ST14: variants seen among roughly 807,000 people sequenced by gnomAD.
ST14 encodes ST14 transmembrane serine protease matriptase.
ST14 carries 40 observed loss-of-function variants against 96.5 expected under a neutral mutation model. The ratio of observed to expected loss-of-function variants is 0.41; its 90% CI spans 0.32 to 0.54. The LOEUF is 0.54. ST14 is among the 20% of genes least tolerant of loss of function. The probability of loss-of-function intolerance (pLI) is 0.17; values close to 1 mark genes in which losing one functional copy is unlikely to be tolerated. For synonymous variants in ST14, 506 were observed against 492.1 expected (o/e 1.03, Z -0.37); for missense variants, 1,066 against 1,188.9 (o/e 0.90, Z 1.52).
chr11:130,208,352 G>C (rs1050717566), intron 16 of ST14, 58 bp from the exon 17 acceptor site: 79 of 1,611,978 alleles, frequency 4.9e-5, no homozygotes, highest in Non-Finnish European at 6.6e-5. Flanking sequence ...GCGGGGCCGC[G>C]AGGCCGTGTG....
Position 130,188,983 on chromosome 11 carries a change from C to G in ST14, c.440+44C>G, listed in dbSNP as rs761614001. ...CTCAGTGGGATGCACCCCAGACTGGCTGGGAGTAGGATCGGGGTACAGTGT... is the reference window on the plus strand; with the variant it reads ...CTCAGTGGGATGCACCCCAGACTGGGTGGGAGTAGGATCGGGGTACAGTGT... On this transcript the variant is annotated intron_variant, in intron 4 of 18. Coordinates refer to ENST00000278742, the MANE Select transcript of ST14 (RefSeq NM_021978.4). The surrounding 1 kb of genome is among the most constrained non-coding windows in gnomAD (Gnocchi z 5.4). 1.3e-6 allele frequency: 2 copies of G among 1,575,922 alleles called. No homozygotes were observed. Among genetic ancestry groups the G allele is most frequent in the African/African-American group, 2.7e-5 (2 of 74,542 alleles).
intron 1 of ST14, among the ~76,000 whole-genome samples, chr11:130,168,005 G>A (rs567328707): frequency 3.4e-4 from 52 of 152,290 alleles, no homozygotes; most frequent in African/African-American, 1.1e-3. Context: ...ATGAGCCACC[G>A]TGCCCAGCCT....
At chr11:130,201,032 C>G (rs2136218510) in intron 16 of ST14, among the ~76,000 whole-genome samples, 1 of 152,350 alleles carries the variant, frequency 6.6e-6, no homozygotes, top group East Asian at 1.9e-4. Context: ...AGCTCCCACC[C>G]TTAGAGTTGT....
chr11:130,203,017 T>C, intron 16 of ST14, among the ~76,000 whole-genome samples: 1 of 152,194 alleles, frequency 6.6e-6, no homozygotes, highest in African/African-American at 2.4e-5. Flanking sequence ...TAGACGTGCA[T>C]GCCTTAAACG....
intron 1 of ST14, among the ~76,000 whole-genome samples, chr11:130,179,051 C>T (rs1045255521): frequency 1.3e-5 from 2 of 152,190 alleles, no homozygotes; most frequent in Admixed American, 1.3e-4. Flanking sequence ...TCAAAATAGA[C>T]CAGCTGAGAC....
intron 14 of ST14, 144 bp downstream of exon 14, chr11:130,198,765 G>T: frequency 7.1e-7 from 1 of 1,412,538 alleles, no homozygotes; most frequent in East Asian, 2.4e-5. Flanking sequence ...GCTCTGGTTG[G>T]GGGAGAATTT....
intron 4 of ST14, 90 bp from the exon 5 acceptor site, chr11:130,189,649 C>G: frequency 6.4e-7 from 1 of 1,558,234 alleles, no homozygotes; most frequent in Non-Finnish European, 8.7e-7. Context: ...AGGTGTGCCC[C>G]GAGCCGCCCA....
rs751862793 is a variant in ST14, at chr11:130,198,425, G to A, written c.1570+7G>A. The A allele has an allele frequency of 6.8e-6, 11 of 1,614,006 alleles. No homozygotes were observed. The highest frequency in any genetic ancestry group is 9.3e-6 in the Non-Finnish European group (11 of 1,179,948). ...AGCGACGAGCAGGGGTGCAGTGAGTGCTGGGGAGGGGCTGCCTGGGCGGGC... is the reference window on the plus strand; with the variant it reads ...AGCGACGAGCAGGGGTGCAGTGAGTACTGGGGAGGGGCTGCCTGGGCGGGC... On this transcript the variant is annotated splice_region_variant and intron_variant, in intron 13 of 18. Transcript: ENST00000278742.
intron 16 of ST14, among the ~76,000 whole-genome samples, chr11:130,207,699 C>T (rs1437309424): frequency 6.6e-6 from 1 of 152,264 alleles, no homozygotes; most frequent in African/African-American, 2.4e-5. Context: ...TAAACCTATT[C>T]CATAGCCAGC....
intron 9 of ST14, among the ~76,000 whole-genome samples, chr11:130,195,966 G>T (rs191276158): frequency 1.9e-4 from 29 of 152,124 alleles, no homozygotes; most frequent in Admixed American, 1.8e-3. Context: ...AGACCAGCCT[G>T]ACCAACATGG....
chr11:130,185,020 A>C (rs1175113859), intron 1 of ST14, among the ~76,000 whole-genome samples: 6 of 152,246 alleles, frequency 3.9e-5, no homozygotes, highest in Non-Finnish European at 8.8e-5. Flanking sequence ...AGGCATGCAC[A>C]CAGAGCTTCC....
intron 7 of ST14, 149 bp from the exon 8 acceptor site, chr11:130,194,000 G>C: frequency 1.1e-6 from 1 of 941,156 alleles, no homozygotes; most frequent in Non-Finnish European, 1.7e-6. Flanking sequence ...CTTGAATGAA[G>C]GTCTTTTTGA....
At chr11:130,185,720 A>G (rs1953231372) in intron 1 of ST14, among the ~76,000 whole-genome samples, 1 of 152,258 alleles carries the variant, frequency 6.6e-6, no homozygotes, top group African/African-American at 2.4e-5. Context: ...CAATGAAGTC[A>G]TAAGTAAAAG....
chr11:130,190,291 G>T, intron 6 of ST14, 143 bp downstream of exon 6: 1 of 1,470,360 alleles, frequency 6.8e-7, no homozygotes. Flanking sequence ...CCTCTTCCAG[G>T]CCCTTCTGAG....
chr11:130,186,423 A>G (rs1953238584), intron 1 of ST14, among the ~76,000 whole-genome samples: 1 of 152,200 alleles, frequency 6.6e-6, no homozygotes, highest in Non-Finnish European at 1.5e-5. Flanking sequence ...GTTCCAGACA[A>G]CTGCTATGAG....
At chr11:130,167,767 T>G (rs2136202052) in intron 1 of ST14, among the ~76,000 whole-genome samples, 1 of 151,914 alleles carries the variant, frequency 6.6e-6, no homozygotes, top group East Asian at 1.9e-4. Flanking sequence ...TAGGCTGGAG[T>G]GCAGTGGCGC....
intron 9 of ST14, among the ~76,000 whole-genome samples, chr11:130,195,670 T>TGGC (rs1953353242): frequency 6.6e-6 from 1 of 151,644 alleles, no homozygotes; most frequent in Admixed American, 6.6e-5. Flanking sequence ...CTGGGCAACA[T>TGGC]TGTGAAACCC....
At chr11:130,186,103 C>G (rs1953235882) in intron 1 of ST14, among the ~76,000 whole-genome samples, 1 of 152,200 alleles carries the variant, frequency 6.6e-6, no homozygotes, top group South Asian at 2.1e-4. Flanking sequence ...CCACTGCACC[C>G]AGCTTGAGCC....
At chr11:130,183,817 AAGAC>A (rs1453547257) in intron 1 of ST14, among the ~76,000 whole-genome samples, 1 of 152,190 alleles carries the variant, frequency 6.6e-6, no homozygotes, top group African/African-American at 2.4e-5. Flanking sequence ...TGCCAGTACA[AAGAC>A]AGCTACGGGA....
Sources: allele counts gnomAD v4.1 joint callset (sites outside exome capture counted in the v4.1 genomes callset), GRCh38; gene constraint gnomAD v4.1.1; non-coding constraint Gnocchi (gnomAD v3.1); transcripts MANE v1.5; gene names NCBI Gene and HGNC (gene_info 2026-07-23, HGNC 2026-07-21).